Variants in DGKB observed in about 807,000 individuals in gnomAD.
DGKB encodes the protein diacylglycerol kinase beta.
A neutral mutation model predicts 114.3 loss-of-function variants in DGKB; 67 were observed. That is an observed-to-expected ratio of 0.59 (90% CI 0.48 to 0.72). The LOEUF is 0.72. Among genes scored for constraint, DGKB ranks in the 30% least tolerant of loss-of-function variants. DGKB has a pLI of 0.00. For synonymous variants in DGKB, 398 were observed against 323.1 expected (o/e 1.23, Z -2.49); for missense variants, 907 against 975.2 (o/e 0.93, Z 0.93).
At position 14,176,917 on chromosome 7, in the gene DGKB, A is replaced by C. The variant is rs1781824688; in HGVS notation, c.2244-18T>G. The C allele has an allele frequency of 1.2e-6, 2 of 1,612,570 alleles. No homozygotes were observed. The highest frequency in any genetic ancestry group is 1.7e-6 in the Non-Finnish European group (2 of 1,178,706). ...TGCTCGTCCTGGGGGAAAATATTTCATTGTAAGTATTGCAAGGAAATACTT... is the reference window on the plus strand; with the variant it reads ...TGCTCGTCCTGGGGGAAAATATTTCCTTGTAAGTATTGCAAGGAAATACTT... On this transcript the variant is annotated intron_variant, in intron 24 of 25. Transcript: ENST00000402815.
At chr7:14,643,980 T>G (rs919465163) in intron 13 of DGKB, among the ~76,000 whole-genome samples, 3 of 152,112 alleles carry the variant, frequency 2.0e-5, no homozygotes, top group African/African-American at 7.2e-5. Context: ...CCAACACCCA[T>G]GCCTACAAAT....
At chr7:14,881,984 A>G (rs1854301209) in intron 1 of DGKB, among the ~76,000 whole-genome samples, 1 of 152,016 alleles carries the variant, frequency 6.6e-6, no homozygotes, top group Admixed American at 6.6e-5. Context: ...CTATTTTACT[A>G]GTTCCTTTAC....
chr7:14,677,378 T>C (rs1320859436), intron 12 of DGKB, among the ~76,000 whole-genome samples: 1 of 152,034 alleles, frequency 6.6e-6, no homozygotes, highest in African/African-American at 2.4e-5. Context: ...CTGGTTCACC[T>C]GTTACACTGG....
At chr7:14,643,315 T>C (rs77477004) in intron 13 of DGKB, among the ~76,000 whole-genome samples, 3,312 of 151,746 alleles carry the variant, frequency 0.022, 116 homozygotes, top group African/African-American at 0.076. Context: ...ACCCCGAGCC[T>C]AGTGCAGAGA....
intron 15 of DGKB, among the ~76,000 whole-genome samples, chr7:14,618,776 G>C (rs1192601227): frequency 6.6e-6 from 1 of 151,500 alleles, no homozygotes; most frequent in Non-Finnish European, 1.5e-5. Flanking sequence ...AAAGAAATAA[G>C]ATGAATGTGC....
At chr7:14,821,529 A>C (rs914606569) in intron 2 of DGKB, among the ~76,000 whole-genome samples, 9 of 152,164 alleles carry the variant, frequency 5.9e-5, no homozygotes, top group African/African-American at 2.2e-4. Context: ...AAGCTTGGGA[A>C]AAATAAAAAT....
At chr7:14,309,577 G>A (rs2128503184) in intron 23 of DGKB, among the ~76,000 whole-genome samples, 1 of 152,282 alleles carries the variant, frequency 6.6e-6, no homozygotes, top group African/African-American at 2.4e-5. Flanking sequence ...TTAAAAGTTT[G>A]AACTTCTAGA....
intron 3 of DGKB, among the ~76,000 whole-genome samples, chr7:14,754,578 G>GA (rs112379401): frequency 2.7e-5 from 4 of 149,600 alleles, no homozygotes; most frequent in Admixed American, 6.6e-5. Context: ...AAGATCAAAA[G>GA]AAAAAAAAAA....
At chr7:14,365,969 T>C (rs1289381550) in intron 21 of DGKB, among the ~76,000 whole-genome samples, 1 of 152,062 alleles carries the variant, frequency 6.6e-6, no homozygotes, top group East Asian at 1.9e-4. Context: ...ACATGATATA[T>C]ATGTGCAGAA....
chr7:14,661,895 G>A (rs544446063), intron 13 of DGKB, among the ~76,000 whole-genome samples: 91 of 152,208 alleles, frequency 6.0e-4, no homozygotes, highest in Admixed American at 3.0e-3. Flanking sequence ...ATGAGTTCAC[G>A]TCCTTTGTAG....
chr7:14,155,877 T>A (rs996338024), intron 25 of DGKB, among the ~76,000 whole-genome samples: 8 of 152,060 alleles, frequency 5.3e-5, no homozygotes, highest in Non-Finnish European at 1.2e-4. Flanking sequence ...TCAGTATCTT[T>A]TGGGTCTGTG....
In DGKB at chr7:14,228,884, C is replaced by CTGTGTGTGTGTGTGTGTGTGTGTG. The variant is rs71548072; in HGVS notation, c.2123-50734_2123-50733insCACACACACACACACACACACACA. ...CAACTACCTAGCATCAGTTTTTTTT[C>CTGTGTGTGTGTGTGTGTGTGTGTG]TGTGTGTGTGTGTGTGTGTGTGTTC... On this transcript the variant is annotated intron_variant, in intron 23 of 25. Transcript: ENST00000402815. Among the ~76,000 whole-genome samples, 448 of 148,736 alleles carry CTGTGTGTGTGTGTGTGTGTGTGTG rather than the reference C, an allele frequency of 3.0e-3. 3 individuals are homozygous for CTGTGTGTGTGTGTGTGTGTGTGTG. Among genetic ancestry groups the CTGTGTGTGTGTGTGTGTGTGTGTG allele is most frequent in the Admixed American group, 5.0e-3 (74 of 14,794 alleles).
intron 2 of DGKB, among the ~76,000 whole-genome samples, chr7:14,811,283 C>G (rs1057007494): frequency 5.3e-5 from 8 of 152,118 alleles, no homozygotes; most frequent in African/African-American, 1.9e-4. Context: ...TTATAGCTCA[C>G]TGCAGCTTCA....
chr7:14,945,608 A>T (rs1785828458), intron 1 of DGKB, among the ~76,000 whole-genome samples: 1 of 151,778 alleles, frequency 6.6e-6, no homozygotes, highest in South Asian at 2.1e-4. Context: ...CACACGCACA[A>T]GTACAAGACT....
In DGKB at chr7:14,146,398, A is replaced by C. The variant is rs1319223238; in HGVS notation, c.*2733T>G. ...TAAGTCCAGCATTAATTTACATTTAAGAGTTTCAGCCACTTAAAACTTTAT... is the reference window on the plus strand; with the variant it reads ...TAAGTCCAGCATTAATTTACATTTACGAGTTTCAGCCACTTAAAACTTTAT... On this transcript the variant is annotated 3_prime_UTR_variant, in exon 26 of 26. Coordinates refer to ENST00000402815, the MANE Select transcript of DGKB (RefSeq NM_001350709.2). The C allele has an allele frequency of 6.6e-6, 1 of 152,172 alleles. No individual in the cohort carries two copies. Among genetic ancestry groups the C allele is most frequent in the Non-Finnish European group, 1.5e-5 (1 of 68,028 alleles). 9.4% of individuals were successfully genotyped at this position (152,172 alleles called of 1,614,324 possible).
chr7:14,931,462 G>A (rs983127875), intron 1 of DGKB, among the ~76,000 whole-genome samples: 3 of 152,142 alleles, frequency 2.0e-5, no homozygotes, highest in Admixed American at 2.0e-4. Context: ...TGAAATATTG[G>A]TTTGTAGGGT....
chr7:14,177,771 T>C (rs1782005132), intron 24 of DGKB, among the ~76,000 whole-genome samples: 1 of 152,120 alleles, frequency 6.6e-6, no homozygotes, highest in South Asian at 2.1e-4. Flanking sequence ...AATCATAAAA[T>C]TTGTATGTTT....
rs192480543 is a variant in DGKB, at chr7:14,874,333, G to T, written c.-188+28259C>A. Among the ~76,000 whole-genome samples the T allele has an allele frequency of 3.3e-5, 5 of 152,132 alleles. No individual in the cohort carries two copies. The East Asian group carries it at 9.7e-4, about 29-fold the overall frequency. Reference sequence around the variant, plus strand: ...TACATTTACAAAAATACGATTTTTAGAGAGACAAGTTAGTTGATAGCTTAG... The same window carrying T: ...TACATTTACAAAAATACGATTTTTATAGAGACAAGTTAGTTGATAGCTTAG... On this transcript the variant is annotated intron_variant, in intron 1 of 25. Coordinates refer to ENST00000402815, the MANE Select transcript of DGKB (RefSeq NM_001350709.2).
intron 5 of DGKB, among the ~76,000 whole-genome samples, chr7:14,734,067 G>T (rs946953688): frequency 4.7e-5 from 7 of 150,136 alleles, no homozygotes; most frequent in African/African-American, 9.8e-5. Flanking sequence ...ATGGAGTCTC[G>T]CTCTGTTGCC....
Sources: gnomAD v4.1 joint callset for allele counts (sites outside exome capture counted in the v4.1 genomes callset) on GRCh38, gnomAD v4.1.1 for gene constraint, MANE v1.5 for transcripts, NCBI Gene and HGNC (gene_info 2026-07-23, HGNC 2026-07-21) for gene names.